Variants in PCED1B observed in about 807,000 individuals in gnomAD.
PCED1B encodes the protein PC-esterase domain-containing protein 1B.
For missense variants in PCED1B, 573 were observed against 573.9 expected, an observed-to-expected ratio of 1.00 and a Z score of 0.02; for synonymous variants, 251 against 246.1, an observed-to-expected ratio of 1.02 and a Z score of -0.19.
intron 3 of PCED1B, among the ~76,000 whole-genome samples, chr12:47,225,782 C>G (rs1014884976): frequency 1.3e-5 from 2 of 152,116 alleles, no homozygotes; most frequent in Non-Finnish European, 2.9e-5. Context: ...CACAATGAAT[C>G]AAAACATCCT....
rs1037378502 is a variant in PCED1B at position 47,230,375 on chromosome 12, C to T, written c.-57-4632C>T. On this transcript the variant is annotated intron_variant, in intron 3 of 3. Coordinates refer to ENST00000546455, the MANE Select transcript of PCED1B (RefSeq NM_138371.3). Reference sequence around the variant, plus strand: ...CTGGGATCACAGGCATAAGCCACCACGCCTGGCCAAAGTAATCATTTTCTT... The same window carrying T: ...CTGGGATCACAGGCATAAGCCACCATGCCTGGCCAAAGTAATCATTTTCTT... 3.3e-5 allele frequency among the ~76,000 whole-genome samples: 5 copies of T among 152,176 alleles called. No individual in the cohort carries two copies. The East Asian group carries it at 5.8e-4, about 18-fold the overall frequency.
Position 47,235,653 on chromosome 12 carries a change from A to G in PCED1B, c.590A>G (p.Asn197Ser), listed in dbSNP as rs1943956317. Residue 197 changes from asparagine (N) to serine (S), a missense_variant, in exon 4 of 4, where the codon AAC becomes AGC. Transcript: ENST00000546455. ...CTGAAAAACGAAGTGGTCAAAGCCA[A>G]CTTCCACAGCGCCACCGAGGCACGT... ...TFLKNEVVKA[N>S]FHSATEARKH... is the part of the protein sequence containing the mutation. The G allele has an allele frequency of 1.2e-6, 2 of 1,612,474 alleles. No homozygotes were observed.
At chr12:47,233,108 G>A (rs1450062194) in intron 3 of PCED1B, among the ~76,000 whole-genome samples, 2 of 152,064 alleles carry the variant, frequency 1.3e-5, no homozygotes, top group African/African-American at 4.8e-5. Flanking sequence ...GTTTTGCCAT[G>A]TTGCCCAGGC....
chr12:47,118,343 AATC>A (rs1311933170), intron 2 of PCED1B, among the ~76,000 whole-genome samples: 1 of 152,214 alleles, frequency 6.6e-6, no homozygotes, highest in Non-Finnish European at 1.5e-5. Context: ...GTAAGTCTTT[AATC>A]CATCTTGAAC....
At chr12:47,089,959 G>A (rs1364912708) in intron 1 of PCED1B, among the ~76,000 whole-genome samples, 4 of 152,154 alleles carry the variant, frequency 2.6e-5, no homozygotes, top group Admixed American at 2.6e-4. Flanking sequence ...TTTCAGCAGA[G>A]ACAGGGTTTC....
intron 2 of PCED1B, among the ~76,000 whole-genome samples, chr12:47,142,568 A>G (rs1940634045): frequency 6.6e-6 from 1 of 152,194 alleles, no homozygotes; most frequent in African/African-American, 2.4e-5. Flanking sequence ...AACAAATGCA[A>G]TCATGGAAAC....
chr12:47,086,466 T>A (rs571600261), intron 1 of PCED1B, among the ~76,000 whole-genome samples: 68 of 150,356 alleles, frequency 4.5e-4, no homozygotes, highest in African/African-American at 1.6e-3. Context: ...AAAGAATAAA[T>A]CCATTGAAGT....
chr12:47,171,347 G>T (rs559151164), intron 2 of PCED1B, among the ~76,000 whole-genome samples: 1 of 152,100 alleles, frequency 6.6e-6, no homozygotes, highest in Non-Finnish European at 1.5e-5. Context: ...GATTACAGGC[G>T]TGAGCCACCG....
chr12:47,170,497 G>A (rs563425656), intron 2 of PCED1B, among the ~76,000 whole-genome samples: 1 of 144,882 alleles, frequency 6.9e-6, no homozygotes, highest in African/African-American at 2.7e-5. Context: ...CCTCCCGGAT[G>A]GGGCGGCGGC....
intron 2 of PCED1B, among the ~76,000 whole-genome samples, chr12:47,143,837 G>A (rs958312314): frequency 1.3e-5 from 2 of 151,990 alleles, no homozygotes; most frequent in Admixed American, 6.6e-5. Flanking sequence ...AATCAAAATA[G>A]TATGGTACTG....
chr12:47,170,479 G>GCC (rs1292363466), intron 2 of PCED1B, among the ~76,000 whole-genome samples: 6 of 144,946 alleles, frequency 4.1e-5, no homozygotes, highest in Non-Finnish European at 9.0e-5. Flanking sequence ...GGGCAGAGGC[G>GCC]CCCCCCACCT....
chr12:47,119,522 T>G (rs1167647395), intron 2 of PCED1B, among the ~76,000 whole-genome samples: 1 of 151,836 alleles, frequency 6.6e-6, no homozygotes. Context: ...ATAGTGAAAC[T>G]GCATCTCTTA....
intron 2 of PCED1B, chr12:47,187,720 C>T (rs1177176138): frequency 1.3e-5 from 2 of 153,658 alleles, no homozygotes; most frequent in African/African-American, 2.4e-5. Context: ...AATTCCTAAA[C>T]ATTAAATTTT....
intron 2 of PCED1B, among the ~76,000 whole-genome samples, chr12:47,161,850 C>T (rs1367318893): frequency 6.6e-6 from 1 of 152,170 alleles, no homozygotes; most frequent in Non-Finnish European, 1.5e-5. Flanking sequence ...ATAGCAAAGA[C>T]TTGGAACCAA....
At chr12:47,231,224 T>C (rs1459347741) in intron 3 of PCED1B, among the ~76,000 whole-genome samples, 2 of 152,188 alleles carry the variant, frequency 1.3e-5, no homozygotes, top group South Asian at 4.1e-4. Flanking sequence ...GTTTTATTAT[T>C]TTTTTACATG....
At chr12:47,081,402 A>G (rs1260290379) in intron 1 of PCED1B, among the ~76,000 whole-genome samples, 2 of 152,236 alleles carry the variant, frequency 1.3e-5, no homozygotes, top group Non-Finnish European at 1.5e-5. Context: ...CAGATTTGTT[A>G]GACCAACACC....
At chr12:47,157,080 G>A (rs1244109849) in intron 2 of PCED1B, among the ~76,000 whole-genome samples, 2 of 152,010 alleles carry the variant, frequency 1.3e-5, no homozygotes, top group Admixed American at 1.3e-4. Flanking sequence ...TGCACATTCA[G>A]GACCTAACAA....
At chr12:47,197,064 C>T (rs1336607297) in intron 2 of PCED1B, among the ~76,000 whole-genome samples, 3 of 149,608 alleles carry the variant, frequency 2.0e-5, no homozygotes, top group South Asian at 2.1e-4. Flanking sequence ...CATGGTGAAA[C>T]CCCATCTCTA....
chr12:47,127,369 C>CTT (rs34788645), intron 2 of PCED1B, among the ~76,000 whole-genome samples: 5,794 of 128,812 alleles, frequency 0.045, 440 homozygotes, highest in African/African-American at 0.16. Context: ...TTTTTTATTT[C>CTT]TTTTTTTTTT....
Sources: allele counts gnomAD v4.1 joint callset (sites outside exome capture counted in the v4.1 genomes callset), GRCh38; gene constraint gnomAD v4.1.1; transcripts MANE v1.5; gene names NCBI Gene and HGNC (gene_info 2026-07-23, HGNC 2026-07-21).